The following CTIF variants were observed in gnomAD, a reference collection of about 807,000 sequenced individuals.
The protein encoded by CTIF is cap binding complex dependent translation initiation factor.
A neutral mutation model predicts 66.0 loss-of-function variants in CTIF; 21 were observed. That is an observed-to-expected ratio of 0.32 (90% CI 0.23 to 0.46). CTIF has a LOEUF of 0.46. Among genes scored for constraint, CTIF ranks in the 20% least tolerant of loss-of-function variants. The pLI is 1.00. For synonymous variants in CTIF, 345 were observed against 326.4 expected (o/e 1.06, Z -0.62); for missense variants, 739 against 812.7 (o/e 0.91, Z 1.10).
intron 1 of CTIF, among the ~76,000 whole-genome samples, chr18:48,615,664 T>C (rs956939795): frequency 1.3e-5 from 2 of 152,210 alleles, no homozygotes; most frequent in African/African-American, 2.4e-5. Flanking sequence ...ATTTGTCCCA[T>C]TGAGGGCAGC....
intron 1 of CTIF, among the ~76,000 whole-genome samples, chr18:48,613,264 C>T (rs1372481326): frequency 2.6e-5 from 4 of 152,138 alleles, no homozygotes; most frequent in Admixed American, 2.0e-4. Flanking sequence ...TCTCCAATGT[C>T]AGCCTTACCT....
At chr18:48,542,253 A>T (rs1406720466) in intron 1 of CTIF, among the ~76,000 whole-genome samples, 1 of 152,258 alleles carries the variant, frequency 6.6e-6, no homozygotes, top group African/African-American at 2.4e-5. Context: ...TACCAGAATC[A>T]TATGTGCATA....
At chr18:48,763,022 A>G (rs1411366646) in intron 9 of CTIF, among the ~76,000 whole-genome samples, 4 of 152,190 alleles carry the variant, frequency 2.6e-5, no homozygotes, top group Non-Finnish European at 4.4e-5. Flanking sequence ...CTGGTGACGA[A>G]TTCCCGCATT....
chr18:48,817,699 C>G (rs1196600986), intron 10 of CTIF, among the ~76,000 whole-genome samples: 2 of 151,906 alleles, frequency 1.3e-5, no homozygotes, highest in Non-Finnish European at 2.9e-5. Context: ...TTGCTTGAAC[C>G]TGGGAGGTGG....
intron 3 of CTIF, among the ~76,000 whole-genome samples, chr18:48,651,656 A>C (rs1244145373): frequency 6.6e-6 from 1 of 152,236 alleles, no homozygotes; most frequent in African/African-American, 2.4e-5. Context: ...AAGTCAACAG[A>C]ATATACATTC....
chr18:48,616,376 TG>T (rs1166223843), intron 1 of CTIF, among the ~76,000 whole-genome samples: 1 of 152,176 alleles, frequency 6.6e-6, no homozygotes, highest in African/African-American at 2.4e-5. Flanking sequence ...TGTGCCCAGC[TG>T]GGGAATAAGC....
intron 1 of CTIF, among the ~76,000 whole-genome samples, chr18:48,541,058 C>T (rs2088603504): frequency 6.6e-6 from 1 of 152,186 alleles, no homozygotes; most frequent in Non-Finnish European, 1.5e-5. Context: ...GGCTGCGCCG[C>T]CCCCAGTCCA....
At chr18:48,641,366 A>G (rs1202609939) in intron 3 of CTIF, among the ~76,000 whole-genome samples, 1 of 152,244 alleles carries the variant, frequency 6.6e-6, no homozygotes. Flanking sequence ...CCTTGACGGA[A>G]GGACTTGTTG....
chr18:48,784,188 C>T (rs533479782), intron 9 of CTIF, among the ~76,000 whole-genome samples: 1 of 152,348 alleles, frequency 6.6e-6, no homozygotes, highest in East Asian at 1.9e-4. Flanking sequence ...GTCATCGCGG[C>T]ACACCCAGAC....
intron 1 of CTIF, among the ~76,000 whole-genome samples, chr18:48,616,206 C>T (rs944680255): frequency 2.6e-5 from 4 of 152,236 alleles, no homozygotes; most frequent in Non-Finnish European, 2.9e-5. Context: ...TAAGATCTGA[C>T]GTCTTCCAGG....
intron 1 of CTIF, among the ~76,000 whole-genome samples, chr18:48,602,614 A>G (rs1400458893): frequency 6.6e-6 from 1 of 152,248 alleles, no homozygotes; most frequent in Non-Finnish European, 1.5e-5. Flanking sequence ...TGGAGCAAGC[A>G]GATCAAAAAT....
chr18:48,539,921 C>G (rs950403320), intron 1 of CTIF: 2 of 152,166 alleles, frequency 1.3e-5, no homozygotes, highest in Non-Finnish European at 2.9e-5. Context: ...GTCGCCACGC[C>G]GCCCCTCCCT....
At chr18:48,710,464 C>T (rs977146390) in intron 6 of CTIF, among the ~76,000 whole-genome samples, 2 of 152,176 alleles carry the variant, frequency 1.3e-5, no homozygotes. Flanking sequence ...CTTGGTACCC[C>T]CTACTCCACC....
intron 9 of CTIF, among the ~76,000 whole-genome samples, chr18:48,783,440 C>T (rs563565287): frequency 6.6e-6 from 1 of 152,226 alleles, no homozygotes; most frequent in South Asian, 2.1e-4. Context: ...AAAATGTGGG[C>T]AACCCTCAAA....
intron 1 of CTIF, among the ~76,000 whole-genome samples, chr18:48,578,569 G>C (rs141849025): frequency 9.4e-4 from 143 of 152,258 alleles, no homozygotes; most frequent in Middle Eastern, 6.8e-3. Flanking sequence ...TTTCCCTGAT[G>C]ACTAATGACG....
chr18:48,820,099 G>A (rs2068451627), intron 10 of CTIF, among the ~76,000 whole-genome samples: 1 of 152,158 alleles, frequency 6.6e-6, no homozygotes, highest in Non-Finnish European at 1.5e-5. Context: ...TCCTGCCCAG[G>A]GACAAACAGC....
intron 9 of CTIF, among the ~76,000 whole-genome samples, chr18:48,775,459 G>GC (rs1405489545): frequency 6.6e-6 from 1 of 152,238 alleles, no homozygotes; most frequent in Non-Finnish European, 1.5e-5. Context: ...AAGTCCAGGG[G>GC]CCCCCGGCAC....
At chr18:48,594,092 C>T (rs2089945149) in intron 1 of CTIF, among the ~76,000 whole-genome samples, 3 of 149,362 alleles carry the variant, frequency 2.0e-5, no homozygotes, top group Non-Finnish European at 3.0e-5. Context: ...TTCCCCCACT[C>T]CTGCAATGTG....
At chr18:48,644,882 C>T (rs1364323334) in intron 3 of CTIF, among the ~76,000 whole-genome samples, 1 of 152,240 alleles carries the variant, frequency 6.6e-6, no homozygotes, top group Non-Finnish European at 1.5e-5. Context: ...GATGTGCTTT[C>T]AGCCTGGGCT....
Sources: gnomAD v4.1 joint callset for allele counts (sites outside exome capture counted in the v4.1 genomes callset) on GRCh38, gnomAD v4.1.1 for gene constraint, MANE v1.5 for transcripts, NCBI Gene and HGNC (gene_info 2026-07-23, HGNC 2026-07-21) for gene names.